Variants in CEP112 observed in about 807,000 individuals in gnomAD.
The protein encoded by CEP112 is centrosomal protein of 112 kDa.
In CEP112, 127 loss-of-function variants were observed where a neutral mutation model predicts 153.0. That is an observed-to-expected ratio of 0.83 (90% CI 0.72 to 0.96). CEP112 has a LOEUF of 0.96. Among genes scored for constraint, CEP112 ranks in the 40% least tolerant of loss-of-function variants. The pLI is 0.00. For missense variants in CEP112, 1,089 were observed against 1,101.2 expected (o/e 0.99, Z 0.16); for synonymous variants, 358 against 374.4 (o/e 0.96, Z 0.51).
At chr17:65,865,783 G>A (rs2058462280) in intron 20 of CEP112, among the ~76,000 whole-genome samples, 1 of 152,230 alleles carries the variant, frequency 6.6e-6, no homozygotes, top group East Asian at 1.9e-4. Flanking sequence ...ACCCACTCCT[G>A]GGAGGCCCCT....
intron 23 of CEP112, among the ~76,000 whole-genome samples, chr17:65,713,983 T>C (rs533044362): frequency 6.6e-6 from 1 of 152,306 alleles, no homozygotes; most frequent in South Asian, 2.1e-4. Context: ...TCTTCATCTG[T>C]CAATTGGATT....
At chr17:66,125,168 CAAAG>C (rs1303086618) in intron 6 of CEP112, among the ~76,000 whole-genome samples, 3 of 152,134 alleles carry the variant, frequency 2.0e-5, no homozygotes, top group African/African-American at 4.8e-5. Context: ...TAGAGAAAGA[CAAAG>C]AGAATTTGTC....
Position 66,028,372 on chromosome 17 carries a change from C to A in CEP112, c.1537G>T (p.Val513Phe). 6.3e-7 allele frequency: 1 copy of A among 1,598,972 alleles called. No individual in the cohort carries two copies. Among genetic ancestry groups the A allele is most frequent in the South Asian group, 1.1e-5 (1 of 89,554 alleles). Residue 513 changes from valine (V) to phenylalanine (F), a missense_variant, in exon 15 of 27, where the codon GTC (valine) becomes TTC (phenylalanine). Physicochemically the swap from Val to Phe is conservative, Grantham distance 50. Coordinates refer to ENST00000535342, the MANE Select transcript of CEP112 (RefSeq NM_001199165.4). ...SSMIEELEQN[V>F]CQLKQQLQES... ...TGTAACTGCTGTTTTAATTGACAGA[C>A]ATTCTGCTCTAATTCTTCAATCATA...
chr17:65,880,440 A>G (rs1488369442), intron 20 of CEP112, among the ~76,000 whole-genome samples: 1 of 152,194 alleles, frequency 6.6e-6, no homozygotes, highest in Non-Finnish European at 1.5e-5. Context: ...CATCAAATTT[A>G]AAAAATGGGG....
At chr17:65,873,957 T>C (rs896711237) in intron 20 of CEP112, among the ~76,000 whole-genome samples, 5 of 152,198 alleles carry the variant, frequency 3.3e-5, no homozygotes, top group Non-Finnish European at 7.4e-5. Flanking sequence ...TATAATAAAG[T>C]AGATGCTGTT....
At chr17:65,971,624 C>A (rs1170942396) in intron 17 of CEP112, among the ~76,000 whole-genome samples, 1 of 151,678 alleles carries the variant, frequency 6.6e-6, no homozygotes, top group Non-Finnish European at 1.5e-5. Flanking sequence ...TATGTATATC[C>A]CATGCATATT....
At chr17:65,971,509 T>C (rs193065385) in intron 17 of CEP112, among the ~76,000 whole-genome samples, 18 of 150,874 alleles carry the variant, frequency 1.2e-4, no homozygotes, top group African/African-American at 4.1e-4. Flanking sequence ...ATATCACACA[T>C]GCACATTACA....
chr17:65,905,747 G>A (rs946624316), intron 19 of CEP112, among the ~76,000 whole-genome samples: 1 of 152,076 alleles, frequency 6.6e-6, no homozygotes, highest in Non-Finnish European at 1.5e-5. Context: ...GGCTAACATG[G>A]TGAAACCCCA....
rs114063776 is a variant in CEP112, at chr17:65,967,225, C to T, written c.1737-5627G>A. Among the ~76,000 whole-genome samples the T allele has an allele frequency of 2.7e-3, 418 of 152,256 alleles. 6 individuals carry two copies. Among genetic ancestry groups the T allele is most frequent in the African/African-American group, 9.5e-3 (393 of 41,552 alleles). On this transcript the variant is annotated intron_variant, in intron 17 of 26. Transcript: ENST00000535342. ...AAAAAACCATGCCTGTTGGTTGAAG[C>T]ATGTTAGTTATAAATAGGAATGAAG...
intron 20 of CEP112, among the ~76,000 whole-genome samples, chr17:65,853,382 T>G (rs2058028895): frequency 6.6e-6 from 1 of 152,150 alleles, no homozygotes; most frequent in Admixed American, 6.5e-5. Flanking sequence ...CATACTGGAT[T>G]TAGGGCCCAC....
At chr17:65,964,155 C>T (rs1393676592) in intron 17 of CEP112, among the ~76,000 whole-genome samples, 1 of 152,152 alleles carries the variant, frequency 6.6e-6, no homozygotes, top group African/African-American at 2.4e-5. Context: ...GAACTGGGAC[C>T]TGGGTATCTT....
intron 18 of CEP112, chr17:65,941,575 GCTT>G (rs1311132076): frequency 6.6e-6 from 1 of 152,050 alleles, no homozygotes; most frequent in African/African-American, 2.4e-5. Context: ...ACAACATTCT[GCTT>G]CATCATGCAA....
intron 21 of CEP112, among the ~76,000 whole-genome samples, chr17:65,820,165 C>T (rs6504363): frequency 1 from 151,455 of 152,156 alleles, 75,379 homozygotes; most frequent in Non-Finnish European, 1. Flanking sequence ...AAACAATTAC[C>T]GTCTGACATT....
chr17:66,112,602 A>C (rs1377751118), intron 6 of CEP112, among the ~76,000 whole-genome samples: 2 of 152,282 alleles, frequency 1.3e-5, no homozygotes, highest in East Asian at 3.9e-4. Flanking sequence ...ATAATAATAC[A>C]ATCTACCTCA....
chr17:65,672,737 C>T (rs2047046947), intron 24 of CEP112, among the ~76,000 whole-genome samples: 2 of 152,080 alleles, frequency 1.3e-5, no homozygotes, highest in African/African-American at 4.8e-5. Context: ...CTCTTAAGTA[C>T]CCTAATAGAT....
At chr17:65,896,284 T>G (rs574548418) in intron 20 of CEP112, among the ~76,000 whole-genome samples, 3 of 152,068 alleles carry the variant, frequency 2.0e-5, no homozygotes, top group Non-Finnish European at 4.4e-5. Flanking sequence ...TTGTATTTTT[T>G]GCTTTTTAAA....
At chr17:65,671,379 G>C (rs9914881) in intron 24 of CEP112, among the ~76,000 whole-genome samples, 3,335 of 152,304 alleles carry the variant, frequency 0.022, 106 homozygotes, top group African/African-American at 0.076. Context: ...GGGAGCCCAT[G>C]ATGAGTGTAA....
intron 1 of CEP112, among the ~76,000 whole-genome samples, chr17:66,185,456 C>T (rs568958529): frequency 4.6e-5 from 7 of 152,244 alleles, no homozygotes; most frequent in Admixed American, 3.9e-4. Context: ...CTCCTGACCT[C>T]GTGATCCATC....
intron 9 of CEP112, 33 bp downstream of exon 9, chr17:66,069,882 C>T: frequency 6.6e-6 from 8 of 1,212,886 alleles, no homozygotes; most frequent in Non-Finnish European, 8.4e-6. Flanking sequence ...TTTTAGTGTT[C>T]AATATAATTA....
Sources: allele counts gnomAD v4.1 joint callset (sites outside exome capture counted in the v4.1 genomes callset), GRCh38; gene constraint gnomAD v4.1.1; transcripts MANE v1.5; gene names NCBI Gene and HGNC (gene_info 2026-07-23, HGNC 2026-07-21).